The following UNC5D variants were observed in gnomAD, a reference collection of about 807,000 sequenced individuals.
UNC5D encodes the protein netrin receptor UNC5D.
In UNC5D, 39 loss-of-function variants were observed where a neutral mutation model predicts 105.4. The observed-to-expected ratio is 0.37, with a 90% confidence interval of 0.29 to 0.48. UNC5D has a LOEUF of 0.48. UNC5D is among the 20% of genes least tolerant of loss of function. The probability of loss-of-function intolerance (pLI) is 0.98; values close to 1 mark genes in which losing one functional copy is unlikely to be tolerated. For missense variants in UNC5D, 991 were observed against 1,202.4 expected (o/e 0.82, Z 2.60); for synonymous variants, 452 against 450.4 (o/e 1.00, Z -0.04).
intron 4 of UNC5D, among the ~76,000 whole-genome samples, chr8:35,617,352 A>G (rs1363903419): frequency 1.3e-5 from 2 of 152,158 alleles, no homozygotes; most frequent in African/African-American, 2.4e-5. Flanking sequence ...ATAGAGCATG[A>G]CCATTTTTTC....
At chr8:35,429,958 G>A (rs1233919868) in intron 1 of UNC5D, among the ~76,000 whole-genome samples, 1 of 152,092 alleles carries the variant, frequency 6.6e-6, no homozygotes, top group Non-Finnish European at 1.5e-5. Context: ...TTTGACTAAT[G>A]TGATATTGTG....
At chr8:35,438,821 G>T (rs1807202681) in intron 1 of UNC5D, among the ~76,000 whole-genome samples, 1 of 152,006 alleles carries the variant, frequency 6.6e-6, no homozygotes. Context: ...ACTTATCCAA[G>T]AACAGGGAAC....
chr8:35,402,327 C>G (rs530980043), intron 1 of UNC5D, among the ~76,000 whole-genome samples: 2 of 151,984 alleles, frequency 1.3e-5, no homozygotes, highest in Non-Finnish European at 2.9e-5. Context: ...GTGAAAGGCA[C>G]GTCTTACATT....
rs543858005 is a variant in UNC5D, at chr8:35,513,003, T to A, written c.104-36289T>A. On this transcript the variant is annotated intron_variant, in intron 1 of 16. Transcript: ENST00000404895. ...GCTTTGCCCCTTTATTCTCATTTCT[T>A]CCTCTTCTCTGTAGCTTCCTACCTG... 1.1e-4 allele frequency among the ~76,000 whole-genome samples: 17 copies of A among 150,142 alleles called. No individual in the cohort carries two copies. In the South Asian group the frequency reaches 3.6e-3, roughly 32 times the overall value.
At chr8:35,597,000 T>C (rs995599638) in intron 4 of UNC5D, among the ~76,000 whole-genome samples, 23 of 152,132 alleles carry the variant, frequency 1.5e-4, no homozygotes, top group African/African-American at 5.3e-4. Context: ...AAACAGTGTT[T>C]AGAGCTATTG....
chr8:35,310,402 T>C (rs763894053), intron 1 of UNC5D, among the ~76,000 whole-genome samples: 4 of 152,092 alleles, frequency 2.6e-5, no homozygotes, highest in Non-Finnish European at 5.9e-5. Context: ...GGCCGATCAC[T>C]AGAGGTCAGG....
At chr8:35,630,676 T>G (rs1230136714) in intron 4 of UNC5D, among the ~76,000 whole-genome samples, 1 of 152,218 alleles carries the variant, frequency 6.6e-6, no homozygotes, top group African/African-American at 2.4e-5. Flanking sequence ...CAAATTTTCC[T>G]TGCTCATCTA....
At chr8:35,356,856 C>T (rs1191051686) in intron 1 of UNC5D, among the ~76,000 whole-genome samples, 1 of 152,058 alleles carries the variant, frequency 6.6e-6, no homozygotes, top group African/African-American at 2.4e-5. Flanking sequence ...TGGGGAGCAT[C>T]AACAGCATAG....
At chr8:35,548,792 T>G (rs1186522334) in intron 1 of UNC5D, among the ~76,000 whole-genome samples, 1 of 152,200 alleles carries the variant, frequency 6.6e-6, no homozygotes, top group East Asian at 1.9e-4. Context: ...CTCCACCATT[T>G]CATAGGTAAA....
rs1431624049 is a variant in UNC5D at position 35,536,045 on chromosome 8, T to G, written c.104-13247T>G. 2.6e-5 allele frequency among the ~76,000 whole-genome samples: 4 copies of G among 152,222 alleles called. No individual in the cohort carries two copies. In the South Asian group the frequency reaches 8.3e-4, roughly 32 times the overall value. On this transcript the variant is annotated intron_variant, in intron 1 of 16. Transcript: ENST00000404895. ...TCTGTCTTAACTCCAAAGCCCACAT[T>G]TCTTTCCCTGTAGCAGATTGCCTCT...
intron 1 of UNC5D, among the ~76,000 whole-genome samples, chr8:35,285,993 T>C (rs138980730): frequency 2.3e-3 from 344 of 152,296 alleles, no homozygotes; most frequent in Non-Finnish European, 3.8e-3. Flanking sequence ...TGTCATTTTT[T>C]AGGGAAAAAT....
At chr8:35,262,703 G>T (rs1554862) in intron 1 of UNC5D, among the ~76,000 whole-genome samples, 1 of 152,002 alleles carries the variant, frequency 6.6e-6, no homozygotes, top group Non-Finnish European at 1.5e-5. Context: ...TTTCCAGGGA[G>T]GTTTCTTCTT....
chr8:35,438,252 T>C (rs1055723620), intron 1 of UNC5D, among the ~76,000 whole-genome samples: 1 of 152,108 alleles, frequency 6.6e-6, no homozygotes, highest in Non-Finnish European at 1.5e-5. Flanking sequence ...TTTTGAATTA[T>C]ATATTTTGAC....
chr8:35,617,657 A>G (rs1178566293), intron 4 of UNC5D, among the ~76,000 whole-genome samples: 1 of 152,158 alleles, frequency 6.6e-6, no homozygotes, highest in Non-Finnish European at 1.5e-5. Context: ...AGTGGCTTCC[A>G]CGGCACAGAT....
intron 1 of UNC5D, among the ~76,000 whole-genome samples, chr8:35,515,408 G>C (rs1023440257): frequency 1.3e-5 from 2 of 152,174 alleles, no homozygotes; most frequent in East Asian, 1.9e-4. Context: ...TTTAGGGCTG[G>C]GTGTGGTGGC....
At chr8:35,777,821 T>C (rs1231255755) in intron 16 of UNC5D, among the ~76,000 whole-genome samples, 1 of 152,124 alleles carries the variant, frequency 6.6e-6, no homozygotes, top group Admixed American at 6.6e-5. Context: ...CCATAGGATG[T>C]TATTGGCTCT....
chr8:35,566,909 C>G (rs1817379479), intron 2 of UNC5D, among the ~76,000 whole-genome samples: 1 of 152,128 alleles, frequency 6.6e-6, no homozygotes, highest in African/African-American at 2.4e-5. Flanking sequence ...GATGAGTTAA[C>G]TGGTGAGGCA....
chr8:35,273,493 G>T (rs1805564867), intron 1 of UNC5D, among the ~76,000 whole-genome samples: 1 of 152,298 alleles, frequency 6.6e-6, no homozygotes, highest in South Asian at 2.1e-4. Context: ...GCCTCTTTCA[G>T]ACTTAAGGAA....
intron 4 of UNC5D, among the ~76,000 whole-genome samples, chr8:35,643,664 G>A (rs1003475550): frequency 2.0e-5 from 3 of 152,142 alleles, no homozygotes; most frequent in African/African-American, 7.2e-5. Context: ...ACAGGTGTGA[G>A]CCACTGGCCT....
Sources: gnomAD v4.1 joint callset for allele counts (sites outside exome capture counted in the v4.1 genomes callset) on GRCh38, gnomAD v4.1.1 for gene constraint, MANE v1.5 for transcripts, NCBI Gene and HGNC (gene_info 2026-07-23, HGNC 2026-07-21) for gene names.